Variants in ERVW-1 observed in about 807,000 individuals in gnomAD.
ERVW-1 encodes the protein endogenous retrovirus group W member 1, envelope.
A neutral mutation model predicts 16.6 loss-of-function variants in ERVW-1; 21 were observed. The observed-to-expected ratio is 1.26, with a 90% CI of 0.90 to 1.82. The LOEUF (loss-of-function observed/expected upper bound fraction) is 1.82, where lower values mean the gene tolerates loss of function less well. Among genes scored for constraint, ERVW-1 ranks in the 40% most tolerant of loss-of-function variants. ERVW-1 has a pLI of 0.00. For synonymous variants in ERVW-1, 161 were observed against 109.8 expected (o/e 1.47, Z -2.92); for missense variants, 412 against 300.2 (o/e 1.37, Z -2.75).
Position 92,469,637 on chromosome 7 carries a change from A to G in ERVW-1, c.745T>C (p.Ser249Pro). The G allele has an allele frequency of 1.3e-6, 1 of 764,502 alleles. No individual in the cohort carries two copies. The highest frequency in any genetic ancestry group is 2.4e-5 in the East Asian group (1 of 41,256). 47.4% of individuals were successfully genotyped at this position (764,502 alleles called of 1,614,324 possible). A position where few individuals can be genotyped will look rare whatever the true frequency, so the allele number is the denominator to read the frequency against. The change falls in exon 2 of 2, where the codon TCC (serine) becomes CCC (proline). Residue 249 changes from serine to proline, a missense_variant. Ser to Pro is a moderately conservative substitution (Grantham distance 74). Transcript: ENST00000603053. Reference protein sequence around the residue: ...KFSNTTYTTNSQCIRWVTPPT... With the variant: ...KFSNTTYTTNPQCIRWVTPPT... ...GGAGTTACCCACCTGATGCATTGGG[A>G]GTTGGTTGTGTATGTAGTATTGCTA...
intron 1 of ERVW-1, among the ~76,000 whole-genome samples, chr7:92,473,871 C>T (rs1013556507): frequency 1.3e-5 from 2 of 152,024 alleles, no homozygotes; most frequent in African/African-American, 4.8e-5. Flanking sequence ...TGGCGCTTGC[C>T]CCAGGCACCC....
rs1790278122 is a variant in ERVW-1 at position 92,470,140 on chromosome 7, T to C, written c.242A>G (p.His81Arg). The C allele has an allele frequency of 1.3e-6, 1 of 778,852 alleles. No individual in the cohort carries two copies. Among genetic ancestry groups the C allele is most frequent in the Non-Finnish European group, 2.4e-6 (1 of 417,940 alleles). The allele number at this position is 778,852 out of a possible 1,614,324, so 48.2% of individuals were successfully genotyped here. A position where few individuals can be genotyped will look rare whatever the true frequency, so the allele number is the denominator to read the frequency against. Residue 81 changes from histidine (H) to arginine (R), a missense_variant, in exon 2 of 2, where the codon CAT (histidine) becomes CGT (arginine). Coordinates refer to ENST00000603053, the MANE Select transcript of ERVW-1 (RefSeq NM_001130925.2). ...NCYHSATLCM[H>R]ANTHYWTGKM... Reference sequence around the variant, plus strand: ...TCCTGTCCAATAATGAGTATTTGCATGCATGCAAAGAGTGGCAGAGTGATA... The same window carrying C: ...TCCTGTCCAATAATGAGTATTTGCACGCATGCAAAGAGTGGCAGAGTGATA...
chr7:92,470,216 A>G lies in ERVW-1; in HGVS notation c.166T>C (p.Ser56Pro), dbSNP rs770181098. ...NIDAPSYRSL[S>P]KGTPTFTAHT... ...GCAGTGAAGGTGGGGGTTCCCTTAG[A>G]AAGACTCCTATACGATGGGGCATCA... is the stretch of plus-strand genomic sequence containing the variant. Residue 56 changes from serine to proline, a missense_variant, in exon 2 of 2, where the codon TCT becomes CCT. Physicochemically the swap from Ser to Pro is moderately conservative, Grantham distance 74. Transcript: ENST00000603053. 3 of 778,630 alleles carry G rather than the reference A, an allele frequency of 3.9e-6. No individual in the cohort carries two copies. Among genetic ancestry groups the G allele is most frequent in the South Asian group, 2.7e-5 (2 of 74,484 alleles). 48.2% of individuals were successfully genotyped at this position (778,630 alleles called of 1,614,324 possible). A position where few individuals can be genotyped will look rare whatever the true frequency, so the allele number is the denominator to read the frequency against.
intron 1 of ERVW-1, among the ~76,000 whole-genome samples, chr7:92,474,247 G>A (rs1290034067): frequency 6.6e-6 from 1 of 151,880 alleles, no homozygotes; most frequent in African/African-American, 2.4e-5. Context: ...GTTTTGCTCC[G>A]GGCCTACGGC....
intron 1 of ERVW-1, chr7:92,472,654 T>G (rs1790392864): frequency 6.6e-6 from 1 of 152,246 alleles, no homozygotes; most frequent in African/African-American, 2.4e-5. Context: ...TTTAATGACC[T>G]GGCTATTTCG....
chr7:92,469,858 A>T lies in ERVW-1; in HGVS notation c.524T>A (p.Leu175His), dbSNP rs1487232594. 1 of 775,894 alleles carries T rather than the reference A, an allele frequency of 1.3e-6. No homozygotes were observed. Among genetic ancestry groups the T allele is most frequent in the African/African-American group, 1.7e-5 (1 of 59,064 alleles). The allele number at this position is 775,894 out of a possible 1,614,324, so 48.1% of individuals were successfully genotyped here. A position where few individuals can be genotyped will look rare whatever the true frequency, so the allele number is the denominator to read the frequency against. ...AGGGTTTTGGGCCGAGACCTCATGG[A>T]GCCCAGTGAGGGTGGTATTAAATAG... ...VSLFNTTLTG[L>H]HEVSAQNPTN... The change falls in exon 2 of 2, where the codon CTC becomes CAC. Residue 175 changes from leucine (L) to histidine (H), a missense_variant. Transcript: ENST00000603053.
Position 92,468,435 on chromosome 7 carries a change from AGGGAGG to A in ERVW-1, c.*324_*329del. 1 of 199,870 alleles carries A rather than the reference AGGGAGG, an allele frequency of 5.0e-6. No homozygotes were observed. Among genetic ancestry groups the A allele is most frequent in the Non-Finnish European group, 1.0e-5 (1 of 99,094 alleles). 12.4% of individuals were successfully genotyped at this position (199,870 alleles called of 1,614,324 possible). ...GCATGAAAACAGAGCTCCCATACAA[AGGGAGG>A]GGACCCAAAGGGGGTTGCCGTTGCC... On this transcript the variant is annotated 3_prime_UTR_variant, in exon 2 of 2. Coordinates refer to ENST00000603053, the MANE Select transcript of ERVW-1 (RefSeq NM_001130925.2).
chr7:92,470,120 T>C lies in ERVW-1; in HGVS notation c.262A>G (p.Thr88Ala). ...CAACTAGGATTAATCATTTTTCCTG[T>C]CCAATAATGAGTATTTGCATGCATG... ...LCMHANTHYWTGKMINPSCPG... is the reference protein window; with the variant it reads ...LCMHANTHYWAGKMINPSCPG... Residue 88 changes from threonine (T) to alanine (A), a missense_variant, in exon 2 of 2, where the codon ACA (threonine) becomes GCA (alanine). Transcript: ENST00000603053. 1.3e-6 allele frequency: 1 copy of C among 778,848 alleles called. No homozygotes were observed. Among genetic ancestry groups the C allele is most frequent in the Non-Finnish European group, 2.4e-6 (1 of 417,936 alleles). 48.2% of individuals were successfully genotyped at this position (778,848 alleles called of 1,614,324 possible). A position where few individuals can be genotyped will look rare whatever the true frequency, so the allele number is the denominator to read the frequency against.
intron 1 of ERVW-1, chr7:92,472,128 T>G (rs1263652900): frequency 1.3e-5 from 2 of 152,228 alleles, no homozygotes; most frequent in African/African-American, 2.4e-5. Context: ...AGAAATTACT[T>G]GTTGACAGTT....
Position 92,470,522 on chromosome 7 carries a change from T to C in ERVW-1, c.-141A>G, listed in dbSNP as rs576883841. 52 of 593,150 alleles carry C rather than the reference T, an allele frequency of 8.8e-5. 1 individual carries two copies. The East Asian group carries it at 1.5e-3, about 17-fold the overall frequency. 36.7% of individuals were successfully genotyped at this position (593,150 alleles called of 1,614,324 possible). A position where few individuals can be genotyped will look rare whatever the true frequency, so the allele number is the denominator to read the frequency against. On this transcript the variant is annotated 5_prime_UTR_variant, in exon 2 of 2. Coordinates refer to ENST00000603053, the MANE Select transcript of ERVW-1 (RefSeq NM_001130925.2). ...GGCAGTATCCAGGATTTGACTCAAG[T>C]GTGATGTATCCAAGACTCCACTCCA...
chr7:92,469,875 A>G lies in ERVW-1; in HGVS notation c.507T>C (p.Asn169=), dbSNP rs1790260829. Residue 169 remains asparagine (N), a synonymous_variant, in exon 2 of 2, where the codon AAT becomes AAC. Transcript: ENST00000603053. The part of the protein sequence containing the change: ...RTHTRLVSLF[N]TTLTGLHEVS... ...CCTCATGGAGCCCAGTGAGGGTGGT[A>G]TTAAATAGGCTTACCAGGCGAGTAT... 1.3e-6 allele frequency: 1 copy of G among 777,828 alleles called. No individual in the cohort carries two copies. Among genetic ancestry groups the G allele is most frequent in the Non-Finnish European group, 2.4e-6 (1 of 417,916 alleles). 48.2% of individuals were successfully genotyped at this position (777,828 alleles called of 1,614,324 possible). A position where few individuals can be genotyped will look rare whatever the true frequency, so the allele number is the denominator to read the frequency against.
chr7:92,473,997 G>A (rs1203004972), intron 1 of ERVW-1, among the ~76,000 whole-genome samples: 2 of 151,812 alleles, frequency 1.3e-5, no homozygotes, highest in Non-Finnish European at 2.9e-5. Context: ...ACGAGGGGGC[G>A]GCTTACTTCT....
intron 1 of ERVW-1, chr7:92,472,099 C>T (rs1790373284): frequency 1.3e-5 from 2 of 152,210 alleles, no homozygotes; most frequent in Admixed American, 6.5e-5. Flanking sequence ...AAAAGGTCCC[C>T]TCGAGTGGCA....
intron 1 of ERVW-1, among the ~76,000 whole-genome samples, chr7:92,474,227 G>A (rs1790453362): frequency 6.6e-6 from 1 of 152,090 alleles, no homozygotes; most frequent in Non-Finnish European, 1.5e-5. Flanking sequence ...AAGTTCAATA[G>A]GGTTTCTAAG....
In ERVW-1 at chr7:92,477,069, G is replaced by C. The variant is rs1030715239; in HGVS notation, c.-228+313C>G. Among the ~76,000 whole-genome samples, 9 of 152,316 alleles carry C rather than the reference G, an allele frequency of 5.9e-5. No homozygotes were observed. The East Asian group carries it at 1.7e-3, about 29-fold the overall frequency. ...AGGGGTGCATGCATGGGCGACTGTT[G>C]AGACTTCTGGCTACACCATGATCTC... On this transcript the variant is annotated intron_variant, in intron 1 of 1. Coordinates refer to ENST00000603053, the MANE Select transcript of ERVW-1 (RefSeq NM_001130925.2).
rs766461631 is a variant in ERVW-1 at position 92,469,809 on chromosome 7, G to A, written c.573C>T (p.Pro191=). The A allele has an allele frequency of 1.5e-4, 119 of 767,960 alleles. No homozygotes were observed. The highest frequency in any genetic ancestry group is 2.9e-5 in the Non-Finnish European group (12 of 417,560). 47.6% of individuals were successfully genotyped at this position (767,960 alleles called of 1,614,324 possible). A position where few individuals can be genotyped will look rare whatever the true frequency, so the allele number is the denominator to read the frequency against. The change falls in exon 2 of 2, where the codon CCC becomes CCT. Residue 191 remains proline, a synonymous_variant. Coordinates refer to ENST00000603053, the MANE Select transcript of ERVW-1 (RefSeq NM_001130925.2). ...TTGAAACATATGGCCTGAAGTTCAG[G>A]GGGAGGCATATCCAACAGTTAGTAG... ...QNPTNCWICL[P]LNFRPYVSIP...
rs1562830155 is a variant in ERVW-1 at position 92,469,943 on chromosome 7, T to C, written c.439A>G (p.Lys147Glu). The C allele has an allele frequency of 2.6e-6, 2 of 778,020 alleles. No homozygotes were observed. The highest frequency in any genetic ancestry group is 4.8e-6 in the Non-Finnish European group (2 of 417,486). The allele number at this position is 778,020 out of a possible 1,614,324, so 48.2% of individuals were successfully genotyped here. Residue 147 changes from lysine to glutamate, a missense_variant, in exon 2 of 2, where the codon AAA becomes GAA. Physicochemically the swap from Lys to Glu is moderately conservative, Grantham distance 56. Transcript: ENST00000603053. ...TRVHGTSSPY[K>E]GLDLSKLHET... is the part of the protein sequence containing the mutation. ...TGTAGTTTTGAGAGATCTAGTCCTT[T>C]GTAGGGGCTAGAGGTGCCATGTACC... is the stretch of plus-strand genomic sequence containing the variant.
At position 92,477,589 on chromosome 7, in the gene ERVW-1, T is replaced by G. The variant is rs1461308150; in HGVS notation, c.-435A>C. The G allele has an allele frequency of 1.3e-5, 2 of 152,978 alleles. No homozygotes were observed. The highest frequency in any genetic ancestry group is 2.9e-5 in the Non-Finnish European group (2 of 68,674). 9.5% of individuals were successfully genotyped at this position (152,978 alleles called of 1,614,324 possible). On this transcript the variant is annotated 5_prime_UTR_variant, in exon 1 of 2. Coordinates refer to ENST00000603053, the MANE Select transcript of ERVW-1 (RefSeq NM_001130925.2). ...CCATGTGGTAAGTGTTATAGTTCTA[T>G]TAGAAGCCGTGGGTCACAGAAGAGA...
rs1279638980 is a variant in ERVW-1, at chr7:92,470,556, A to T, written c.-175T>A. The T allele has an allele frequency of 1.3e-5, 7 of 539,296 alleles. No homozygotes were observed. The highest frequency in any genetic ancestry group is 2.0e-5 in the Non-Finnish European group (6 of 303,226). The allele number at this position is 539,296 out of a possible 1,614,324, so 33.4% of individuals were successfully genotyped here. On this transcript the variant is annotated 5_prime_UTR_variant, in exon 2 of 2. Coordinates refer to ENST00000603053, the MANE Select transcript of ERVW-1 (RefSeq NM_001130925.2). ...TCCAAGACTCCACTCCAGCCACTTT[A>T]ACCGCAGTTGGGGTAGATAAAATGA...
Sources: gnomAD v4.1 joint callset for allele counts (sites outside exome capture counted in the v4.1 genomes callset) on GRCh38, gnomAD v4.1.1 for gene constraint, MANE v1.5 for transcripts, NCBI Gene and HGNC (gene_info 2026-07-23, HGNC 2026-07-21) for gene names.